Variants in HMGB1 observed in about 807,000 individuals in gnomAD.
HMGB1 encodes high mobility group box 1.
For missense variants in HMGB1, 79 were observed against 253.5 expected (o/e 0.31, Z 4.67); for synonymous variants, 81 against 84.0 (o/e 0.96, Z 0.19).
Position 30,602,943 on chromosome 13 carries a change from A to T in HMGB1, c.-15+13728T>A, listed in dbSNP as rs1302221275. 2.0e-5 allele frequency among the ~76,000 whole-genome samples: 3 copies of T among 152,286 alleles called. No individual in the cohort carries two copies. In the East Asian group the frequency reaches 5.8e-4, roughly 29 times the overall value. On this transcript the variant is annotated intron_variant, in intron 1 of 4. Coordinates refer to the HMGB1 transcript ENST00000405805. ...CTCAGCCTCCCAAGGAGCTGGGACC[A>T]CAGGCACATGCCACCACGTCCAGCT...
At chr13:30,585,026 T>C (rs1196660233) in intron 1 of HMGB1, among the ~76,000 whole-genome samples, 1 of 152,070 alleles carries the variant, frequency 6.6e-6, no homozygotes, top group African/African-American at 2.4e-5. Context: ...CAGACATCTA[T>C]AGTCCCAGCT....
chr13:30,616,060 T>C (rs1950558263), intron 1 of HMGB1, among the ~76,000 whole-genome samples: 1 of 152,194 alleles, frequency 6.6e-6, no homozygotes, highest in Non-Finnish European at 1.5e-5. Flanking sequence ...CAGAAATGTA[T>C]ACAGTATTCT....
chr13:30,593,810 TG>T (rs1871479980), intron 1 of HMGB1, among the ~76,000 whole-genome samples: 1 of 149,730 alleles, frequency 6.7e-6, no homozygotes, highest in African/African-American at 2.5e-5. Flanking sequence ...AAAAAAGGAG[TG>T]GGGAGAGGTC....
intron 1 of HMGB1, among the ~76,000 whole-genome samples, chr13:30,482,841 A>T (rs1183840996): frequency 6.6e-6 from 1 of 151,904 alleles, no homozygotes; most frequent in East Asian, 1.9e-4. Flanking sequence ...AGGCTGGAGT[A>T]CAGTGGTGTG....
intron 1 of HMGB1, among the ~76,000 whole-genome samples, chr13:30,615,754 C>T (rs1566041967): frequency 6.6e-6 from 1 of 152,044 alleles, no homozygotes; most frequent in South Asian, 2.1e-4. Context: ...AGGAATCTAA[C>T]TTAGTAGAAG....
rs1377166416 is a variant in HMGB1, at chr13:30,465,871, G to A, written c.-90C>T. On this transcript the variant is annotated 5_prime_UTR_variant, in exon 1 of 5. Transcript: ENST00000341423. ...CGGTGCTGTCTCTATGGAGCTCAAT[G>A]TACTGCAATGGCTGTGAGAGCGGGA... 12 of 985,602 alleles carry A rather than the reference G, an allele frequency of 1.2e-5. No individual in the cohort carries two copies. Among genetic ancestry groups the A allele is most frequent in the Non-Finnish European group, 1.4e-5 (12 of 829,800 alleles). 61.1% of individuals were successfully genotyped at this position (985,602 alleles called of 1,614,324 possible).
At chr13:30,541,396 C>T (rs375149315) in intron 1 of HMGB1, among the ~76,000 whole-genome samples, 16 of 152,176 alleles carry the variant, frequency 1.1e-4, no homozygotes, top group African/African-American at 3.9e-4. Flanking sequence ...CCTAAGATTT[C>T]CTGGAAGTAA....
In HMGB1 at chr13:30,461,543, C is replaced by A; in HGVS notation, c.472-10G>T. Reference sequence around the variant, plus strand: ...GATATGCAGCAATATCCTTCCAAAGCAAAGGGAGGATAAAACAGTAGGGAA... The same window carrying A: ...GATATGCAGCAATATCCTTCCAAAGAAAAGGGAGGATAAAACAGTAGGGAA... On this transcript the variant is annotated splice_polypyrimidine_tract_variant and intron_variant, in intron 4 of 4. Transcript: ENST00000341423. The A allele has an allele frequency of 1.3e-6, 2 of 1,579,080 alleles. No homozygotes were observed. The highest frequency in any genetic ancestry group is 1.7e-6 in the Non-Finnish European group (2 of 1,159,672).
chr13:30,484,478 G>A (rs756731892), intron 1 of HMGB1, among the ~76,000 whole-genome samples: 5 of 152,318 alleles, frequency 3.3e-5, no homozygotes, highest in Non-Finnish European at 4.4e-5. Context: ...TCTTCACCAC[G>A]TTCCTCACCC....
intron 1 of HMGB1, among the ~76,000 whole-genome samples, chr13:30,606,296 C>T (rs74043515): frequency 0.019 from 2,862 of 152,228 alleles, 90 homozygotes; most frequent in African/African-American, 0.065. Flanking sequence ...TTCAGAAAAT[C>T]AATTATTCCA....
At chr13:30,477,526 A>G (rs902472411) in intron 1 of HMGB1, among the ~76,000 whole-genome samples, 1 of 152,240 alleles carries the variant, frequency 6.6e-6, no homozygotes, top group Non-Finnish European at 1.5e-5. Flanking sequence ...AGCTTGTGCC[A>G]ACACAGTGGG....
At chr13:30,483,550 G>A (rs554221468) in intron 1 of HMGB1, among the ~76,000 whole-genome samples, 4 of 151,730 alleles carry the variant, frequency 2.6e-5, no homozygotes, top group South Asian at 2.1e-4. Context: ...CATTATGATC[G>A]TGATGTTCCT....
chr13:30,548,870 T>G (rs1315296895), intron 1 of HMGB1, among the ~76,000 whole-genome samples: 2 of 152,182 alleles, frequency 1.3e-5, no homozygotes. Flanking sequence ...TCTTGGACAG[T>G]AAAGGACATT....
At chr13:30,552,192 C>T (rs1453343438) in intron 1 of HMGB1, among the ~76,000 whole-genome samples, 2 of 152,156 alleles carry the variant, frequency 1.3e-5, no homozygotes, top group Non-Finnish European at 2.9e-5. Context: ...GTTATATTCA[C>T]CAGTTATTAA....
chr13:30,505,432 C>T (rs187484503), intron 1 of HMGB1, among the ~76,000 whole-genome samples: 2 of 152,194 alleles, frequency 1.3e-5, no homozygotes, highest in African/African-American at 4.8e-5. Context: ...CCCACCTTGA[C>T]CTCCCAAAGT....
At chr13:30,611,803 G>A (rs1197120549) in intron 1 of HMGB1, among the ~76,000 whole-genome samples, 1 of 148,824 alleles carries the variant, frequency 6.7e-6, no homozygotes, top group Non-Finnish European at 1.5e-5. Flanking sequence ...TCATCTGGCT[G>A]TTCATCTGTA....
chr13:30,591,064 A>T (rs1445546858), intron 1 of HMGB1, among the ~76,000 whole-genome samples: 2 of 115,120 alleles, frequency 1.7e-5, no homozygotes, highest in African/African-American at 7.2e-5. Context: ...ACAAAGCCTC[A>T]CTCTCACCCA....
chr13:30,616,934 T>C (rs529679120), exon 1 of HMGB1: 37 of 152,350 alleles, frequency 2.4e-4, no homozygotes, highest in African/African-American at 8.9e-4. Context: ...ATTGTTATCC[T>C]AGGACACAGA....
At chr13:30,609,663 T>G (rs1235146358) in intron 1 of HMGB1, among the ~76,000 whole-genome samples, 1 of 152,154 alleles carries the variant, frequency 6.6e-6, no homozygotes, top group Admixed American at 6.5e-5. Flanking sequence ...TCTTTAGTGG[T>G]GATTTCTGAG....
Sources: allele counts gnomAD v4.1 joint callset (sites outside exome capture counted in the v4.1 genomes callset), GRCh38; gene constraint gnomAD v4.1.1; transcripts MANE v1.5; gene names NCBI Gene and HGNC (gene_info 2026-07-23, HGNC 2026-07-21).